Variants in PSD3 observed in about 807,000 individuals in gnomAD.
The protein encoded by PSD3 is pleckstrin and Sec7 domain containing 3.
PSD3 carries 49 observed loss-of-function variants against 105.5 expected under a neutral mutation model. The ratio of observed to expected loss-of-function variants is 0.46; its 90% CI spans 0.37 to 0.59. The LOEUF (loss-of-function observed/expected upper bound fraction) is 0.59, where lower values mean the gene tolerates loss of function less well. PSD3 is among the 20% of genes least tolerant of loss of function. The pLI, the probability that PSD3 is intolerant of heterozygous loss-of-function variation, is 0.00. For synonymous variants in PSD3, 557 were observed against 457.8 expected (o/e 1.22, Z -2.77); for missense variants, 1,561 against 1,263.8 (o/e 1.24, Z -3.57).
intron 1 of PSD3, among the ~76,000 whole-genome samples, chr8:19,047,981 A>C (rs540881391): frequency 1.3e-5 from 2 of 151,682 alleles, no homozygotes; most frequent in Admixed American, 1.3e-4. Context: ...TTCACCTTCT[A>C]CCTTTGCCTC....
rs982179417 is a variant in PSD3, at chr8:18,533,039, A to G, written c.*2704T>C. The G allele has an allele frequency of 6.6e-6, 1 of 152,258 alleles. No homozygotes were observed. Among genetic ancestry groups the G allele is most frequent in the African/African-American group, 2.4e-5 (1 of 41,456 alleles). 9.4% of individuals were successfully genotyped at this position (152,258 alleles called of 1,614,324 possible). A position where few individuals can be genotyped will look rare whatever the true frequency, so the allele number is the denominator to read the frequency against. On this transcript the variant is annotated 3_prime_UTR_variant, in exon 16 of 16. Coordinates refer to ENST00000327040, the MANE Select transcript of PSD3 (RefSeq NM_015310.4). Reference sequence around the variant, plus strand: ...GAAGGGGTGCTCCCTTGTACCGTGAATTGGGCAACAGGCTTGGAGCAGCTG... The same window carrying G: ...GAAGGGGTGCTCCCTTGTACCGTGAGTTGGGCAACAGGCTTGGAGCAGCTG...
chr8:18,634,324 T>C (rs1179668928), intron 10 of PSD3, among the ~76,000 whole-genome samples: 1 of 152,094 alleles, frequency 6.6e-6, no homozygotes, highest in Non-Finnish European at 1.5e-5. Flanking sequence ...AACTGGACTC[T>C]TAGAAGAAAT....
intron 9 of PSD3, among the ~76,000 whole-genome samples, chr8:18,695,777 A>G (rs974560438): frequency 2.0e-5 from 3 of 152,200 alleles, no homozygotes; most frequent in African/African-American, 7.2e-5. Flanking sequence ...TTTTCCAAGG[A>G]CTACACTCTA....
chr8:18,954,569 A>G (rs559420730), intron 1 of PSD3, among the ~76,000 whole-genome samples: 5 of 152,234 alleles, frequency 3.3e-5, no homozygotes, highest in African/African-American at 1.2e-4. Context: ...ATCACAAAAA[A>G]GAGTTCTGGT....
At chr8:18,631,668 AG>A (rs1212544879) in intron 11 of PSD3, among the ~76,000 whole-genome samples, 18 of 152,044 alleles carry the variant, frequency 1.2e-4, no homozygotes, top group African/African-American at 3.6e-4. Flanking sequence ...TAAGTAGTCT[AG>A]TAATCTAGTA....
intron 15 of PSD3, among the ~76,000 whole-genome samples, chr8:18,545,168 T>C (rs1401823260): frequency 1.3e-5 from 2 of 152,254 alleles, no homozygotes; most frequent in East Asian, 3.8e-4. Context: ...TGTATAAGTA[T>C]TCAGCTTTTC....
chr8:18,921,525 T>A (rs1014566575), intron 2 of PSD3, among the ~76,000 whole-genome samples: 1 of 152,204 alleles, frequency 6.6e-6, no homozygotes, highest in Non-Finnish European at 1.5e-5. Flanking sequence ...GAGGCAGATC[T>A]AGTTTTGTGG....
chr8:19,002,069 A>G (rs1309134851), intron 1 of PSD3: 2 of 153,404 alleles, frequency 1.3e-5, no homozygotes, highest in Non-Finnish European at 2.9e-5. Flanking sequence ...CAAACATATC[A>G]TCCTCTCTCA....
At chr8:18,934,320 G>T (rs1490469051) in intron 2 of PSD3, among the ~76,000 whole-genome samples, 1 of 152,210 alleles carries the variant, frequency 6.6e-6, no homozygotes. Flanking sequence ...CGGCCTCAAA[G>T]GTCAGGGATA....
intron 4 of PSD3, among the ~76,000 whole-genome samples, chr8:18,813,789 T>A (rs192724350): frequency 1.1e-3 from 168 of 152,242 alleles, no homozygotes; most frequent in Admixed American, 1.9e-3. Flanking sequence ...ATAAAACAGA[T>A]AATAGTATCA....
At chr8:18,988,603 A>AC (rs1825629992) in intron 1 of PSD3, among the ~76,000 whole-genome samples, 1 of 135,200 alleles carries the variant, frequency 7.4e-6, no homozygotes, top group Non-Finnish European at 1.7e-5. Flanking sequence ...TGCTCACCCA[A>AC]CCCCCAATGC....
chr8:18,548,701 T>C (rs902954799), intron 15 of PSD3, among the ~76,000 whole-genome samples: 3 of 152,314 alleles, frequency 2.0e-5, no homozygotes, highest in Admixed American at 2.0e-4. Flanking sequence ...AGTGACTGTA[T>C]GACAGGTAGT....
At chr8:18,785,945 T>C (rs1295364991) in intron 8 of PSD3, among the ~76,000 whole-genome samples, 4 of 152,228 alleles carry the variant, frequency 2.6e-5, no homozygotes, top group Non-Finnish European at 5.9e-5. Context: ...ATGGCACTGA[T>C]AAGACTCGCT....
chr8:18,575,082 T>G, intron 13 of PSD3, 46 bp downstream of exon 13: 1 of 1,588,902 alleles, frequency 6.3e-7, no homozygotes, highest in African/African-American at 1.4e-5. Flanking sequence ...AAAGTAGTGC[T>G]AAGTGAACTA....
At chr8:18,816,195 T>A (rs1020203433) in intron 4 of PSD3, among the ~76,000 whole-genome samples, 12 of 152,222 alleles carry the variant, frequency 7.9e-5, no homozygotes, top group African/African-American at 2.4e-4. Context: ...CATATTTTTA[T>A]GAAGAATTCC....
chr8:18,818,189 T>C (rs1812385058), intron 4 of PSD3, among the ~76,000 whole-genome samples: 1 of 152,096 alleles, frequency 6.6e-6, no homozygotes, highest in Admixed American at 6.5e-5. Flanking sequence ...TCCTGACCTC[T>C]GGTGATCCAT....
In PSD3 at chr8:18,936,038, A is replaced by G. The variant is rs766389315; in HGVS notation, c.126T>C (p.Asp42=). The G allele has an allele frequency of 1.2e-6, 2 of 1,602,708 alleles. No individual in the cohort carries two copies. Among genetic ancestry groups the G allele is most frequent in the Non-Finnish European group, 1.7e-6 (2 of 1,170,248 alleles). ...GGGATATGAGGAAATACTTACTAGT[A>G]TCTGGAGCTTTCCCTTCAGATCTGC... ...LFGRSEGKAP[D]TSDHGGSTLL... is the part of the protein sequence containing the mutation. The change falls in exon 2 of 16, where the codon GAT becomes GAC. Residue 42 remains aspartate (D), a synonymous_variant. Transcript: ENST00000327040.
In PSD3 at chr8:18,871,949, T is replaced by C. The variant is rs13273954; in HGVS notation, c.915A>G (p.Glu305=). ...RVKHVEFQGV[E]ILWTGGDKRE... ...TCTTGTCTCCTCCTGTCCACAGTAT[T>C]TCCACTCCTTGAAATTCCACATGTT... is the stretch of plus-strand genomic sequence containing the variant. Residue 305 remains glutamate (E), a synonymous_variant, in exon 3 of 16, where the codon GAA becomes GAG. Coordinates refer to ENST00000327040, the MANE Select transcript of PSD3 (RefSeq NM_015310.4). The C allele has an allele frequency of 0.19, 309,342 of 1,613,930 alleles. 32,489 individuals carry two copies. Among genetic ancestry groups the C allele is most frequent in the African/African-American group, 0.34 (25,832 of 74,960 alleles).
intron 8 of PSD3, among the ~76,000 whole-genome samples, chr8:18,767,262 A>G (rs1807077255): frequency 6.6e-6 from 1 of 152,258 alleles, no homozygotes. Context: ...TTGTTATCAC[A>G]GAGAATCACC....
Sources: allele counts gnomAD v4.1 joint callset (sites outside exome capture counted in the v4.1 genomes callset), GRCh38; gene constraint gnomAD v4.1.1; transcripts MANE v1.5; gene names NCBI Gene and HGNC (gene_info 2026-07-23, HGNC 2026-07-21).